Variants in RAD51B observed in about 807,000 individuals in gnomAD.
RAD51B encodes the protein DNA repair protein RAD51 homolog 2.
Under a neutral mutation model 42.2 loss-of-function variants are expected in RAD51B, and 38 were observed. The ratio of observed to expected loss-of-function variants is 0.90; its 90% confidence interval spans 0.70 to 1.18. The LOEUF (loss-of-function observed/expected upper bound fraction) is 1.18. Among genes scored for constraint, RAD51B ranks in the 50% most tolerant of loss-of-function variants. The pLI is 0.00. For synonymous variants in RAD51B, 154 were observed against 145.2 expected, an observed-to-expected ratio of 1.06 and a Z score of -0.43; for missense variants, 373 against 400.7, an observed-to-expected ratio of 0.93 and a Z score of 0.59.
intron 10 of RAD51B, among the ~76,000 whole-genome samples, chr14:68,521,236 G>T (rs1594938681): frequency 6.6e-6 from 1 of 152,264 alleles, no homozygotes; most frequent in Middle Eastern, 3.4e-3. Flanking sequence ...TTTACAAAGG[G>T]TATTTTATGA....
Position 68,052,797 on chromosome 14 carries a change from T to G in RAD51B, c.756+165593T>G, listed in dbSNP as rs970581932. ...CACCATGCCTGGCTATTTTTTTGTGTTTTTTTTTTTTTCTTTTGTAGAGAC... is the reference window on the plus strand; with the variant it reads ...CACCATGCCTGGCTATTTTTTTGTGGTTTTTTTTTTTTCTTTTGTAGAGAC... On this transcript the variant is annotated intron_variant, in intron 7 of 10. Coordinates refer to ENST00000471583, the MANE Select transcript of RAD51B (RefSeq NM_133510.4). Among the ~76,000 whole-genome samples the G allele has an allele frequency of 4.4e-5, 6 of 135,880 alleles. No homozygotes were observed. The East Asian group carries it at 1.2e-3, about 27-fold the overall frequency. The allele number at this position is 135,880 out of a possible 152,430, so 89.1% of individuals were successfully genotyped here.
intron 8 of RAD51B, among the ~76,000 whole-genome samples, chr14:68,295,230 C>G (rs758457733): frequency 2.6e-5 from 4 of 152,126 alleles, no homozygotes; most frequent in South Asian, 2.1e-4. Flanking sequence ...CACCTGGGAG[C>G]TGGATAACTC....
At chr14:68,348,332 A>G (rs978564859) in intron 8 of RAD51B, among the ~76,000 whole-genome samples, 2 of 152,236 alleles carry the variant, frequency 1.3e-5, no homozygotes, top group South Asian at 2.1e-4. Flanking sequence ...TGGTATATTC[A>G]TGGTCTAAAT....
chr14:68,322,724 T>C (rs942030375), intron 8 of RAD51B, among the ~76,000 whole-genome samples: 1 of 152,180 alleles, frequency 6.6e-6, no homozygotes, highest in Non-Finnish European at 1.5e-5. Flanking sequence ...CATTGTCTCC[T>C]TGCTTTGTGT....
intron 9 of RAD51B, among the ~76,000 whole-genome samples, chr14:68,442,126 TGGCCAG>T (rs2085312608): frequency 6.6e-6 from 1 of 152,178 alleles, no homozygotes; most frequent in African/African-American, 2.4e-5. Flanking sequence ...CTGAGATCCA[TGGCCAG>T]TCAACAGCAC....
intron 7 of RAD51B, among the ~76,000 whole-genome samples, chr14:68,057,426 A>G (rs1159945410): frequency 6.6e-6 from 1 of 152,156 alleles, no homozygotes; most frequent in African/African-American, 2.4e-5. Context: ...AAATATATCT[A>G]TAATGAAGTT....
At chr14:68,403,561 A>G (rs2084179926) in intron 8 of RAD51B, among the ~76,000 whole-genome samples, 1 of 152,158 alleles carries the variant, frequency 6.6e-6, no homozygotes, top group South Asian at 2.1e-4. Context: ...AAGGCTACAT[A>G]GCAACCTGGT....
intron 7 of RAD51B, among the ~76,000 whole-genome samples, chr14:68,084,247 C>T (rs1429425392): frequency 6.6e-6 from 1 of 152,174 alleles, no homozygotes; most frequent in Non-Finnish European, 1.5e-5. Flanking sequence ...TGTCATATCT[C>T]ATTTTACAGA....
At chr14:68,583,200 G>A (rs1381416339) in intron 10 of RAD51B, among the ~76,000 whole-genome samples, 1 of 152,132 alleles carries the variant, frequency 6.6e-6, no homozygotes, top group Non-Finnish European at 1.5e-5. Context: ...GCTGGTGGTG[G>A]CAGGTGCTGT....
chr14:68,554,851 A>G (rs967968496), intron 10 of RAD51B, among the ~76,000 whole-genome samples: 1 of 135,254 alleles, frequency 7.4e-6, no homozygotes, highest in African/African-American at 2.5e-5. Flanking sequence ...GAAAAATTAA[A>G]AAGTTTTTTT....
intron 8 of RAD51B, among the ~76,000 whole-genome samples, chr14:68,346,509 T>C (rs1041242281): frequency 6.6e-6 from 1 of 152,274 alleles, no homozygotes; most frequent in South Asian, 2.1e-4. Flanking sequence ...CTCGATTTCA[T>C]GTTCAGCTCT....
chr14:68,135,918 T>A (rs1343797451), intron 7 of RAD51B, among the ~76,000 whole-genome samples: 1 of 152,210 alleles, frequency 6.6e-6, no homozygotes, highest in Non-Finnish European at 1.5e-5. Flanking sequence ...CCATATTCTA[T>A]AAAAAGAGAC....
intron 10 of RAD51B, among the ~76,000 whole-genome samples, chr14:68,590,771 G>T (rs1205204275): frequency 6.6e-6 from 1 of 152,186 alleles, no homozygotes; most frequent in South Asian, 2.1e-4. Flanking sequence ...CGAATCACCT[G>T]TTATGGCATT....
At chr14:68,231,960 A>C (rs1052505468) in intron 7 of RAD51B, among the ~76,000 whole-genome samples, 1 of 152,214 alleles carries the variant, frequency 6.6e-6, no homozygotes, top group African/African-American at 2.4e-5. Flanking sequence ...GGAAAGAAAG[A>C]GATGATAATA....
intron 7 of RAD51B, among the ~76,000 whole-genome samples, chr14:68,106,165 A>G (rs1386304030): frequency 2.0e-5 from 3 of 151,824 alleles, no homozygotes; most frequent in Admixed American, 2.0e-4. Flanking sequence ...CTATTTTCCT[A>G]TTTTTACAAA....
chr14:68,256,622 A>G (rs2139522687), intron 7 of RAD51B, among the ~76,000 whole-genome samples: 1 of 152,158 alleles, frequency 6.6e-6, no homozygotes, highest in South Asian at 2.1e-4. Flanking sequence ...ATTTTCTCTC[A>G]AACTGTTTTC....
chr14:68,591,938 C>T (rs779907908), intron 10 of RAD51B, among the ~76,000 whole-genome samples: 27 of 152,176 alleles, frequency 1.8e-4, no homozygotes, highest in Non-Finnish European at 3.8e-4. Context: ...CCCGGGGAAA[C>T]TGTCTCACCA....
At chr14:68,252,818 C>T (rs951636577) in intron 7 of RAD51B, among the ~76,000 whole-genome samples, 1 of 152,062 alleles carries the variant, frequency 6.6e-6, no homozygotes, top group Non-Finnish European at 1.5e-5. Flanking sequence ...TGGTGACTCA[C>T]TCCTGTAATC....
chr14:68,406,862 T>C (rs2084289803), intron 8 of RAD51B, among the ~76,000 whole-genome samples: 2 of 152,210 alleles, frequency 1.3e-5, no homozygotes, highest in Admixed American at 1.3e-4. Flanking sequence ...TTTAAACTTT[T>C]TTGTTAAAAA....
Sources: gnomAD v4.1 joint callset for allele counts (sites outside exome capture counted in the v4.1 genomes callset) on GRCh38, gnomAD v4.1.1 for gene constraint, MANE v1.5 for transcripts, NCBI Gene and HGNC (gene_info 2026-07-23, HGNC 2026-07-21) for gene names.